Variants in ANKRD30B observed in about 807,000 individuals in gnomAD.
ANKRD30B encodes ankyrin repeat domain 30B, also known as ankyrin repeat domain-containing protein 30B.
ANKRD30B carries 144 observed loss-of-function variants against 202.2 expected under a neutral mutation model. That is an observed-to-expected ratio of 0.71 (90% CI 0.62 to 0.82). The LOEUF (loss-of-function observed/expected upper bound fraction) is 0.82. ANKRD30B is among the 40% of genes least tolerant of loss of function. ANKRD30B has a pLI of 0.00. For synonymous variants in ANKRD30B, 508 were observed against 561.3 expected (o/e 0.91, Z 1.34); for missense variants, 1,487 against 1,669.1 (o/e 0.89, Z 1.90).
rs761404322 is a variant in ANKRD30B, at chr18:14,809,995, A to T, written c.2396A>T (p.Asp799Val). Residue 799 changes from aspartate (D) to valine (V), a missense_variant, in exon 27 of 44, where the codon GAT (aspartate) becomes GTT (valine). By Grantham distance (152) the Asp-to-Val change is radical (BLOSUM62 -3). Around this residue, in one of 6 missense-constraint regions of ANKRD30B, gnomAD observed 218 missense variants for 320.1 expected, o/e 0.68. Coordinates refer to ENST00000690538, the MANE Select transcript of ANKRD30B (RefSeq NM_001367607.2). ...DRETLKAESP[D>V]KDGLLKPTCV... ...GTCCCTTTTCTTTTAGAGTCTCCTGATAAAGATGGTCTTCTGAAGGTAATA... is the reference window on the plus strand; with the variant it reads ...GTCCCTTTTCTTTTAGAGTCTCCTGTTAAAGATGGTCTTCTGAAGGTAATA... 4 of 1,427,474 alleles carry T rather than the reference A, an allele frequency of 2.8e-6. No individual in the cohort carries two copies. Among genetic ancestry groups the T allele is most frequent in the East Asian group, 2.3e-5 (1 of 42,776 alleles). The allele number at this position is 1,427,474 out of a possible 1,614,324, so 88.4% of individuals were successfully genotyped here.
chr18:14,795,147 T>C (rs1443023456), intron 16 of ANKRD30B, among the ~76,000 whole-genome samples: 3 of 152,258 alleles, frequency 2.0e-5, no homozygotes, highest in African/African-American at 2.4e-5. Context: ...GTTAATGATA[T>C]GTAAAAAGTC....
At chr18:14,806,217 CAA>C (rs1308694532) in intron 24 of ANKRD30B, among the ~76,000 whole-genome samples, 11 of 85,328 alleles carry the variant, frequency 1.3e-4, no homozygotes, top group Admixed American at 1.2e-4. Flanking sequence ...GAGACACCGC[CAA>C]AAAAAAAAAA....
At chr18:14,807,201 G>A (rs1342064909) in intron 24 of ANKRD30B, among the ~76,000 whole-genome samples, 1 of 150,820 alleles carries the variant, frequency 6.6e-6, no homozygotes, top group Non-Finnish European at 1.5e-5. Context: ...GTGTCTTACT[G>A]AAAAATAACA....
rs1184319627 is a variant in ANKRD30B, at chr18:14,852,295, A to C, written c.4351A>C (p.Asn1451His). The change falls in exon 42 of 44, where the codon AAT becomes CAT. Residue 1451 changes from asparagine to histidine, a missense_variant. By Grantham distance (68) the Asn-to-His change is moderately conservative. This residue lies in a region of ANKRD30B where 182 missense variants were observed against 216.0 expected (regional missense o/e 0.84). Coordinates refer to ENST00000690538, the MANE Select transcript of ANKRD30B (RefSeq NM_001367607.2). Reference sequence around the variant, plus strand: ...AGTTAACAAAAGCAAGGTAACAATTAATATTCAGTTTCCTGAGATGAAAAT... The same window carrying C: ...AGTTAACAAAAGCAAGGTAACAATTCATATTCAGTTTCCTGAGATGAAAAT... ...KKVNKSKVTI[N>H]IQFPEMKMQR... 7.8e-6 allele frequency: 12 copies of C among 1,544,806 alleles called. No individual in the cohort carries two copies. In the South Asian group the frequency reaches 1.4e-4, roughly 19 times the overall value.
the ANKRD30B span, among the ~76,000 whole-genome samples, chr18:14,901,786 A>G: frequency 1.3e-5 from 2 of 152,176 alleles, no homozygotes; most frequent in African/African-American, 2.4e-5. Context: ...TTCCATTACC[A>G]AAGCTTTGAT....
At chr18:14,938,902 A>G in the ANKRD30B span, among the ~76,000 whole-genome samples, 5 of 152,340 alleles carry the variant, frequency 3.3e-5, no homozygotes. Flanking sequence ...GGTATAATAA[A>G]GACAGCTTTC....
chr18:14,758,105 G>A (rs969371892), intron 5 of ANKRD30B, among the ~76,000 whole-genome samples, 153 bp downstream of exon 5: 3 of 152,110 alleles, frequency 2.0e-5, no homozygotes, highest in Non-Finnish European at 4.4e-5. Flanking sequence ...CTTTATTTTA[G>A]GACTTTCAAC....
the ANKRD30B span, among the ~76,000 whole-genome samples, chr18:14,923,883 A>C: frequency 3.9e-5 from 6 of 152,228 alleles, no homozygotes; most frequent in African/African-American, 1.4e-4. Context: ...TCTGGACACC[A>C]GTACTGGGAC....
the ANKRD30B span, among the ~76,000 whole-genome samples, chr18:14,933,530 G>A: frequency 1.3e-5 from 2 of 152,146 alleles, no homozygotes; most frequent in Non-Finnish European, 2.9e-5. Context: ...GGTGGGAGCT[G>A]CATGGAGCAA....
chr18:14,878,699 G>A, the ANKRD30B span, among the ~76,000 whole-genome samples: 18 of 152,134 alleles, frequency 1.2e-4, no homozygotes, highest in Non-Finnish European at 2.4e-4. Flanking sequence ...CAAAAGGGGT[G>A]CTTCTTTTCC....
intron 10 of ANKRD30B, among the ~76,000 whole-genome samples, chr18:14,779,126 GA>G (rs1967563959): frequency 4.6e-5 from 7 of 152,224 alleles, no homozygotes; most frequent in Middle Eastern, 6.8e-3. Context: ...GGCAACTTTC[GA>G]GTTTCTGAAT....
At chr18:14,749,224 T>A (rs1214092971) in intron 1 of ANKRD30B, among the ~76,000 whole-genome samples, 4 of 152,244 alleles carry the variant, frequency 2.6e-5, no homozygotes, top group African/African-American at 9.6e-5. Context: ...TTTCTCAAGA[T>A]GCGACTTACC....
At chr18:14,753,351 A>T (rs1404353730) in intron 3 of ANKRD30B, among the ~76,000 whole-genome samples, 1 of 152,164 alleles carries the variant, frequency 6.6e-6, no homozygotes, top group Non-Finnish European at 1.5e-5. Flanking sequence ...TGTAAAATTT[A>T]GGATACGTGC....
the ANKRD30B span, among the ~76,000 whole-genome samples, chr18:14,909,594 G>A: frequency 6.6e-6 from 1 of 152,108 alleles, no homozygotes; most frequent in African/African-American, 2.4e-5. Context: ...TTTTAGTACA[G>A]ATGGAGTTTC....
At chr18:14,907,033 A>G in the ANKRD30B span, among the ~76,000 whole-genome samples, 2 of 152,198 alleles carry the variant, frequency 1.3e-5, no homozygotes, top group Middle Eastern at 3.2e-3. Flanking sequence ...AGTTAAGATA[A>G]GGAATTATGG....
At chr18:14,819,892 C>T (rs947311696) in intron 30 of ANKRD30B, among the ~76,000 whole-genome samples, 1 of 152,066 alleles carries the variant, frequency 6.6e-6, no homozygotes, top group Non-Finnish European at 1.5e-5. Flanking sequence ...TTTTCCAATT[C>T]TGTGAAGAAA....
chr18:14,830,412 CA>C (rs1184755519), intron 33 of ANKRD30B, among the ~76,000 whole-genome samples: 2 of 151,960 alleles, frequency 1.3e-5, no homozygotes, highest in Non-Finnish European at 2.9e-5. Flanking sequence ...TTTAATGTTT[CA>C]ATTTTTGTGA....
chr18:14,919,799 A>G, the ANKRD30B span, among the ~76,000 whole-genome samples: 1 of 152,238 alleles, frequency 6.6e-6, no homozygotes, highest in Non-Finnish European at 1.5e-5. Context: ...TTCTGTATGA[A>G]GAGTGCCACA....
intron 36 of ANKRD30B, among the ~76,000 whole-genome samples, chr18:14,838,673 A>G (rs918735276): frequency 3.3e-5 from 5 of 152,232 alleles, no homozygotes; most frequent in African/African-American, 1.2e-4. Context: ...GCAGCTGCAT[A>G]GTGGTAACAG....
Sources: gnomAD v4.1 joint callset for allele counts (sites outside exome capture counted in the v4.1 genomes callset) on GRCh38, gnomAD v4.1.1 for gene constraint, gnomAD v4.1.1 regional missense constraint, MANE v1.5 for transcripts, NCBI Gene and HGNC (gene_info 2026-07-23, HGNC 2026-07-21) for gene names.